Variants in NPAS3 observed in about 807,000 individuals in gnomAD.
NPAS3 encodes the protein neuronal PAS domain protein 3.
NPAS3 carries 14 observed loss-of-function variants against 73.1 expected under a neutral mutation model. The observed-to-expected ratio is 0.19, with a 90% CI of 0.13 to 0.30. The LOEUF is 0.30. Ranked by LOEUF, NPAS3 falls within the 10% of genes least tolerant of loss-of-function variation. The probability of loss-of-function intolerance (pLI) is 1.00; values close to 1 mark genes in which losing one functional copy is unlikely to be tolerated. For synonymous variants in NPAS3, 620 were observed against 541.5 expected (o/e 1.14, Z -2.01); for missense variants, 1,096 against 1,250.0 (o/e 0.88, Z 1.86).
At chr14:33,569,418 T>C (rs10498314) in intron 5 of NPAS3, among the ~76,000 whole-genome samples, 23,368 of 152,138 alleles carry the variant, frequency 0.15, 2,102 homozygotes, top group East Asian at 0.34. Context: ...GTGTGGGTTT[T>C]GGTGAACCTA....
chr14:33,095,341 T>C (rs913832154), intron 2 of NPAS3, among the ~76,000 whole-genome samples: 1 of 152,182 alleles, frequency 6.6e-6, no homozygotes, highest in Non-Finnish European at 1.5e-5. Flanking sequence ...GGATGACAAA[T>C]GCAGAGCAGA....
chr14:33,182,717 G>T (rs541461121), intron 2 of NPAS3, among the ~76,000 whole-genome samples: 1 of 152,216 alleles, frequency 6.6e-6, no homozygotes, highest in Admixed American at 6.5e-5. Context: ...GTTCTGCCCA[G>T]CCGGTCCTTC....
chr14:33,621,669 G>A (rs917018909), intron 5 of NPAS3, among the ~76,000 whole-genome samples: 21 of 152,206 alleles, frequency 1.4e-4, no homozygotes, highest in African/African-American at 5.1e-4. Flanking sequence ...ACGTCAAAGT[G>A]AGCAATGCAC....
intron 4 of NPAS3, among the ~76,000 whole-genome samples, chr14:33,415,068 A>C (rs1361394328): frequency 6.6e-6 from 1 of 152,150 alleles, no homozygotes. Flanking sequence ...ACCAATATGC[A>C]TAAGACTATA....
upstream of NPAS3, among the ~76,000 whole-genome samples, chr14:32,938,490 A>AGAGAGAGAGAGAAATT (rs2035789429): frequency 1.1e-5 from 1 of 92,478 alleles, no homozygotes; most frequent in African/African-American, 4.8e-5. Context: ...AGAAATTGAG[A>AGAGAGAGAGAGAAATT]GAGAGAGAGA....
At chr14:33,589,377 T>C (rs2056982657) in intron 5 of NPAS3, among the ~76,000 whole-genome samples, 1 of 152,310 alleles carries the variant, frequency 6.6e-6, no homozygotes, top group African/African-American at 2.4e-5. Flanking sequence ...AGCCAGAACA[T>C]GGTAAAAAAG....
chr14:33,800,545 G>A lies in NPAS3; in HGVS notation c.2238G>A (p.Pro746=), dbSNP rs770300026. The A allele has an allele frequency of 7.4e-6, 10 of 1,353,346 alleles. No individual in the cohort carries two copies. The highest frequency in any genetic ancestry group is 3.9e-5 in the South Asian group (2 of 51,470). The allele number at this position is 1,353,346 out of a possible 1,614,324, so 83.8% of individuals were successfully genotyped here. ...CCCTGGCCCCCGTCGCCTCCGACCC[G>A]CTGTCACCCCCGCTCTCGGCGTCCC... Residue 746 remains proline (P), a synonymous_variant, in exon 12 of 12, where the codon CCG becomes CCA. Coordinates refer to ENST00000356141, the Ensembl canonical transcript of NPAS3. This position sits in a 1 kb window ranked among gnomAD's most constrained non-coding sequence, Gnocchi z 6.5.
intron 9 of NPAS3, chr14:33,780,730 C>T (rs1226662635): frequency 1.7e-5 from 7 of 423,644 alleles, no homozygotes; most frequent in Non-Finnish European, 3.3e-5. Flanking sequence ...CCTTTCTTTC[C>T]GATTTACTTT....
At chr14:33,230,584 A>G (rs61972688) in intron 3 of NPAS3, among the ~76,000 whole-genome samples, 23,425 of 152,154 alleles carry the variant, frequency 0.15, 2,146 homozygotes, top group Non-Finnish European at 0.22. Flanking sequence ...GAAATCATAT[A>G]CTCCAAAATG....
intron 6 of NPAS3, among the ~76,000 whole-genome samples, chr14:33,731,438 AAAGAGAG>A (rs1218053927): frequency 6.9e-6 from 1 of 144,244 alleles, no homozygotes; most frequent in Non-Finnish European, 1.5e-5. Context: ...AAAAAAAAAA[AAAGAGAG>A]AGAGAAAGAA....
At chr14:33,796,637 A>C (rs890448892) in intron 10 of NPAS3, among the ~76,000 whole-genome samples, 4 of 152,198 alleles carry the variant, frequency 2.6e-5, no homozygotes, top group Non-Finnish European at 5.9e-5. Flanking sequence ...CCTTCAGATT[A>C]CAGGAGCCTA....
At chr14:33,165,555 G>A (rs2045102992) in intron 2 of NPAS3, among the ~76,000 whole-genome samples, 1 of 152,082 alleles carries the variant, frequency 6.6e-6, no homozygotes, top group South Asian at 2.1e-4. Context: ...AACAAGGTTA[G>A]TAGAATCATT....
At chr14:33,699,096 A>T (rs573785312) in intron 6 of NPAS3, among the ~76,000 whole-genome samples, 3 of 152,178 alleles carry the variant, frequency 2.0e-5, no homozygotes, top group African/African-American at 7.2e-5. Flanking sequence ...CTCAGGTGAG[A>T]GTTGGGAGGA....
intron 5 of NPAS3, among the ~76,000 whole-genome samples, chr14:33,665,697 A>G (rs570679923): frequency 6.6e-6 from 1 of 152,342 alleles, no homozygotes; most frequent in South Asian, 2.1e-4. Flanking sequence ...TAAAAAGTTG[A>G]CATTCAAACC....
At chr14:33,450,321 A>G (rs2049732945) in intron 4 of NPAS3, among the ~76,000 whole-genome samples, 1 of 152,232 alleles carries the variant, frequency 6.6e-6, no homozygotes, top group African/African-American at 2.4e-5. Flanking sequence ...CGGAAAAGAA[A>G]AAAGCCATAT....
At chr14:33,694,106 T>C (rs2060309194) in intron 6 of NPAS3, among the ~76,000 whole-genome samples, 1 of 152,342 alleles carries the variant, frequency 6.6e-6, no homozygotes, top group African/African-American at 2.4e-5. Flanking sequence ...CATGTATCAG[T>C]GCAAGGCTCT....
chr14:33,292,322 A>G (rs2042132415), intron 3 of NPAS3, among the ~76,000 whole-genome samples: 1 of 151,902 alleles, frequency 6.6e-6, no homozygotes. Context: ...AGGATAATAG[A>G]CTCTCAACTC....
intron 3 of NPAS3, among the ~76,000 whole-genome samples, chr14:33,252,307 A>G (rs930603192): frequency 1.2e-4 from 19 of 152,098 alleles, no homozygotes; most frequent in Non-Finnish European, 7.4e-5. Context: ...GCTTTGGTTC[A>G]TTATAGAATG....
At chr14:33,289,587 G>T (rs552748720) in intron 3 of NPAS3, among the ~76,000 whole-genome samples, 1 of 152,268 alleles carries the variant, frequency 6.6e-6, no homozygotes, top group South Asian at 2.1e-4. Context: ...TTGGGAGGCT[G>T]AGGTGGGCAG....
Sources: allele counts gnomAD v4.1 joint callset (sites outside exome capture counted in the v4.1 genomes callset), GRCh38; gene constraint gnomAD v4.1.1; non-coding constraint Gnocchi (gnomAD v3.1); transcripts MANE v1.5; gene names NCBI Gene and HGNC (gene_info 2026-07-23, HGNC 2026-07-21).